ANO4: variants seen among roughly 807,000 people sequenced by gnomAD.
The protein encoded by ANO4 is anoctamin-4.
A neutral mutation model predicts 141.9 loss-of-function variants in ANO4; 69 were observed. The observed-to-expected ratio is 0.49, with a 90% CI of 0.40 to 0.59. The LOEUF (loss-of-function observed/expected upper bound fraction) is 0.59, where lower values mean the gene tolerates loss of function less well. ANO4 is among the 20% of genes least tolerant of loss of function. The probability of loss-of-function intolerance (pLI) is 0.00; values close to 1 mark genes in which losing one functional copy is unlikely to be tolerated. For missense variants in ANO4, 894 were observed against 1,162.2 expected, an observed-to-expected ratio of 0.77 and a Z score of 3.36; for synonymous variants, 350 against 394.3, an observed-to-expected ratio of 0.89 and a Z score of 1.33.
chr12:100,726,594 C>T (rs775149713), intron 1 of ANO4, among the ~76,000 whole-genome samples: 36 of 152,098 alleles, frequency 2.4e-4, no homozygotes, highest in Admixed American at 9.2e-4. Flanking sequence ...TTAGTAGCTT[C>T]GGGGGAGCCT....
In ANO4 at chr12:101,094,245, T is replaced by A; in HGVS notation, c.1702-11T>A. 6.2e-7 allele frequency: 1 copy of A among 1,607,518 alleles called. No homozygotes were observed. Among genetic ancestry groups the A allele is most frequent in the Non-Finnish European group, 8.5e-7 (1 of 1,174,794 alleles). On this transcript the variant is annotated splice_polypyrimidine_tract_variant and intron_variant, in intron 17 of 27. Coordinates refer to ENST00000392977, the MANE Select transcript of ANO4 (RefSeq NM_001286615.2). ...AGTTCATTTATTAAATGCATGAAATTTATTTTACAGCTCTATGAAAAAGTT... is the reference window on the plus strand; with the variant it reads ...AGTTCATTTATTAAATGCATGAAATATATTTTACAGCTCTATGAAAAAGTT...
Position 100,825,180 on chromosome 12 carries a change from T to C in ANO4, c.-141+30153T>C, listed in dbSNP as rs536385980. On this transcript the variant is annotated intron_variant, in intron 1 of 27. Transcript: ENST00000392977. ...CAACTCTTTTACTTAAGGAATCTGA[T>C]AGTAGCTGCTATTGGTTTAGGAAGG... 3.3e-5 allele frequency among the ~76,000 whole-genome samples: 5 copies of C among 152,196 alleles called. No homozygotes were observed. The East Asian group carries it at 9.7e-4, about 30-fold the overall frequency.
chr12:100,890,804 A>G (rs1044466690), intron 1 of ANO4, among the ~76,000 whole-genome samples: 1 of 152,200 alleles, frequency 6.6e-6, no homozygotes, highest in African/African-American at 2.4e-5. Context: ...CATCACCCAG[A>G]GTCCATAGTG....
intron 14 of ANO4, among the ~76,000 whole-genome samples, chr12:101,054,389 A>G (rs78784362): frequency 0.011 from 1,695 of 152,346 alleles, 35 homozygotes; most frequent in African/African-American, 0.039. Context: ...TTTCAACTTT[A>G]AGTATAATTT....
chr12:101,088,268 G>A (rs982795121), intron 17 of ANO4, among the ~76,000 whole-genome samples: 1 of 152,082 alleles, frequency 6.6e-6, no homozygotes, highest in Admixed American at 6.6e-5. Flanking sequence ...CACAGGGTCT[G>A]CATCGCTTAG....
At chr12:101,110,065 A>G (rs1402547978) in intron 22 of ANO4, among the ~76,000 whole-genome samples, 2 of 152,142 alleles carry the variant, frequency 1.3e-5, no homozygotes, top group Admixed American at 6.5e-5. Flanking sequence ...CCTTTCTGGC[A>G]TCACAAGATG....
intron 2 of ANO4, among the ~76,000 whole-genome samples, chr12:100,920,860 G>A (rs1301328044): frequency 1.3e-5 from 2 of 152,092 alleles, no homozygotes; most frequent in African/African-American, 4.8e-5. Flanking sequence ...AGTAATACCT[G>A]TAGCTGCTAT....
intron 3 of ANO4, among the ~76,000 whole-genome samples, chr12:100,770,115 C>G (rs561716493): frequency 6.6e-6 from 1 of 152,162 alleles, no homozygotes; most frequent in Non-Finnish European, 1.5e-5. Flanking sequence ...CGTGTTTTCC[C>G]TTTTTGCTTT....
chr12:100,744,660 C>T (rs1281620992), intron 3 of ANO4, among the ~76,000 whole-genome samples: 2 of 152,062 alleles, frequency 1.3e-5, no homozygotes, highest in South Asian at 2.1e-4. Context: ...TTTGGGTTAA[C>T]CCCCTCATGC....
At chr12:100,887,549 A>G (rs973515686) in intron 1 of ANO4, among the ~76,000 whole-genome samples, 2 of 151,964 alleles carry the variant, frequency 1.3e-5, no homozygotes, top group Non-Finnish European at 2.9e-5. Context: ...AAACCCAAGA[A>G]GTATTGATGT....
intron 8 of ANO4, among the ~76,000 whole-genome samples, chr12:101,017,159 C>T (rs1156533481): frequency 1.3e-5 from 2 of 152,162 alleles, no homozygotes; most frequent in African/African-American, 4.8e-5. Flanking sequence ...ACTCACAGTT[C>T]CAAATGGCTG....
intron 1 of ANO4, among the ~76,000 whole-genome samples, chr12:100,837,738 A>AG (rs2037010733): frequency 6.8e-6 from 1 of 147,032 alleles, no homozygotes; most frequent in African/African-American, 2.5e-5. Context: ...AAAAAAAAAA[A>AG]AGCTCGCTCA....
intron 9 of ANO4, among the ~76,000 whole-genome samples, chr12:101,028,390 A>G (rs926948889): frequency 3.3e-5 from 5 of 152,238 alleles, no homozygotes; most frequent in African/African-American, 9.6e-5. Context: ...ACTGAGCTCT[A>G]GGAGCATGTT....
intron 2 of ANO4, among the ~76,000 whole-genome samples, chr12:100,904,892 A>G (rs1282349511): frequency 6.6e-6 from 1 of 152,248 alleles, no homozygotes; most frequent in Non-Finnish European, 1.5e-5. Context: ...AGCTCTGACT[A>G]GGAACAGCAG....
intron 7 of ANO4, among the ~76,000 whole-genome samples, chr12:100,986,925 A>G (rs1363574722): frequency 1.3e-5 from 2 of 152,148 alleles, no homozygotes; most frequent in Non-Finnish European, 2.9e-5. Context: ...TTAGAGTGAC[A>G]CATGTGTGTC....
chr12:100,786,030 A>G lies in ANO4; in HGVS notation c.358+45925A>G, dbSNP rs146990406. Among the ~76,000 whole-genome samples, 130 of 152,298 alleles carry G rather than the reference A, an allele frequency of 8.5e-4. 1 individual carries two copies. The highest frequency in any genetic ancestry group is 3.1e-3 in the East Asian group (16 of 5,188). On this transcript the variant is annotated intron_variant, in intron 3 of 29. Coordinates refer to the ANO4 transcript ENST00000644049. ...CATTCTGCTTTCTCCTCTCAGCTCA[A>G]GTAATAGAACTTGAAATTGGTTGCA...
intron 6 of ANO4, among the ~76,000 whole-genome samples, chr12:100,972,390 T>C (rs1471775939): frequency 1.3e-5 from 2 of 152,230 alleles, no homozygotes; most frequent in Non-Finnish European, 2.9e-5. Context: ...CCCTGGTGCA[T>C]CTTATCTTCT....
chr12:100,786,920 C>T (rs2033890979), intron 3 of ANO4, among the ~76,000 whole-genome samples: 1 of 152,126 alleles, frequency 6.6e-6, no homozygotes, highest in Non-Finnish European at 1.5e-5. Context: ...TACAGATATA[C>T]ACTGAGGATC....
chr12:100,717,571 C>T (rs1033973504), intron 1 of ANO4: 1 of 400,072 alleles, frequency 2.5e-6, no homozygotes, highest in South Asian at 1.3e-4. Context: ...TCGCGGGTTC[C>T]TGGGGCGGCG....
Sources: gnomAD v4.1 joint callset for allele counts (sites outside exome capture counted in the v4.1 genomes callset) on GRCh38, gnomAD v4.1.1 for gene constraint, MANE v1.5 for transcripts, NCBI Gene and HGNC (gene_info 2026-07-23, HGNC 2026-07-21) for gene names.